PLXDC2: variants seen among roughly 807,000 people sequenced by gnomAD.
PLXDC2 encodes plexin domain containing 2.
A neutral mutation model predicts 68.9 loss-of-function variants in PLXDC2; 40 were observed. That is an observed-to-expected ratio of 0.58 (90% CI 0.45 to 0.76). The LOEUF (loss-of-function observed/expected upper bound fraction) is 0.76. PLXDC2 is among the 30% of genes least tolerant of loss of function. PLXDC2 has a pLI of 0.00. For missense variants in PLXDC2, 644 were observed against 661.9 expected (o/e 0.97, Z 0.30); for synonymous variants, 243 against 234.2 (o/e 1.04, Z -0.34).
intron 2 of PLXDC2, among the ~76,000 whole-genome samples, chr10:20,036,073 T>C (rs937031300): frequency 6.6e-6 from 1 of 152,206 alleles, no homozygotes; most frequent in Non-Finnish European, 1.5e-5. Flanking sequence ...GAAAGTAATA[T>C]ATCTGGCATC....
At chr10:19,854,294 AC>A (rs1837174499) in intron 1 of PLXDC2, among the ~76,000 whole-genome samples, 1 of 152,106 alleles carries the variant, frequency 6.6e-6, no homozygotes, top group Admixed American at 6.5e-5. Context: ...AAAAGAAAAC[AC>A]CCATTTGTCT....
intron 4 of PLXDC2, among the ~76,000 whole-genome samples, chr10:20,139,784 C>G (rs1035258700): frequency 7.3e-6 from 1 of 136,606 alleles, no homozygotes; most frequent in East Asian, 2.2e-4. Flanking sequence ...TGTTCTCATT[C>G]ATAAGTGGGA....
chr10:19,883,911 T>TTTTTTTTTTTTTTTTTTTGG (rs1837788503), intron 1 of PLXDC2, among the ~76,000 whole-genome samples: 1 of 136,798 alleles, frequency 7.3e-6, no homozygotes, highest in Non-Finnish European at 1.6e-5. Flanking sequence ...TTTTTTTTTT[T>TTTTTTTTTTTTTTTTTTTGG]AGCAGACAGG....
intron 1 of PLXDC2, among the ~76,000 whole-genome samples, chr10:19,978,129 G>A (rs1486368579): frequency 1.3e-5 from 2 of 152,024 alleles, no homozygotes; most frequent in African/African-American, 4.8e-5. Flanking sequence ...TATCTCTTCT[G>A]TTCTTTTCCA....
chr10:20,252,196 C>G (rs3088167), intron 13 of PLXDC2, among the ~76,000 whole-genome samples: 3,292 of 152,186 alleles, frequency 0.022, 55 homozygotes, highest in Middle Eastern at 0.068. Flanking sequence ...AGAGTATAGA[C>G]CTGTGCTGTC....
chr10:19,820,563 A>G (rs1334177491), intron 1 of PLXDC2, among the ~76,000 whole-genome samples: 43 of 151,142 alleles, frequency 2.8e-4, no homozygotes, highest in Non-Finnish European at 4.0e-4. Context: ...GAACCCGGGA[A>G]GCGGAGCTTG....
At chr10:20,139,917 T>A (rs1833979459) in intron 4 of PLXDC2, among the ~76,000 whole-genome samples, 1 of 152,050 alleles carries the variant, frequency 6.6e-6, no homozygotes, top group South Asian at 2.1e-4. Flanking sequence ...GACGCATTGA[T>A]GGGTGCAGCA....
intron 13 of PLXDC2, among the ~76,000 whole-genome samples, chr10:20,253,593 T>C (rs1410132227): frequency 6.6e-6 from 1 of 152,084 alleles, no homozygotes; most frequent in Non-Finnish European, 1.5e-5. Flanking sequence ...CTTTGTATTT[T>C]CTATCAGCAA....
chr10:20,266,621 C>T (rs16920183), intron 13 of PLXDC2, among the ~76,000 whole-genome samples: 37,517 of 151,648 alleles, frequency 0.25, 4,771 homozygotes, highest in African/African-American at 0.3. Context: ...AGTAAATAAC[C>T]GGAGATTAGG....
chr10:20,225,094 C>G (rs1435947741), intron 12 of PLXDC2, among the ~76,000 whole-genome samples: 1 of 152,156 alleles, frequency 6.6e-6, no homozygotes, highest in Non-Finnish European at 1.5e-5. Context: ...AACAGATATA[C>G]TTTGAATGAA....
At chr10:20,174,294 A>G (rs1207064493) in intron 7 of PLXDC2, among the ~76,000 whole-genome samples, 1 of 144,888 alleles carries the variant, frequency 6.9e-6, no homozygotes, top group African/African-American at 2.5e-5. Flanking sequence ...CCATCTTTTT[A>G]TTTGTCTTAA....
intron 6 of PLXDC2, among the ~76,000 whole-genome samples, chr10:20,148,500 A>G (rs16919952): frequency 0.62 from 94,962 of 151,946 alleles, 30,140 homozygotes; most frequent in Middle Eastern, 0.71. Context: ...CAAACTGACA[A>G]AGTAAAGAAT....
intron 1 of PLXDC2, among the ~76,000 whole-genome samples, chr10:19,974,890 G>A (rs977257228): frequency 7.2e-5 from 11 of 152,158 alleles, no homozygotes; most frequent in African/African-American, 2.7e-4. Context: ...AAGGCAGCTT[G>A]TTGAAGGACC....
intron 2 of PLXDC2, among the ~76,000 whole-genome samples, chr10:20,037,403 A>T (rs936230257): frequency 1.3e-5 from 2 of 151,452 alleles, no homozygotes; most frequent in South Asian, 4.2e-4. Context: ...GTACATGTGC[A>T]CAACGTGCAG....
intron 9 of PLXDC2, among the ~76,000 whole-genome samples, chr10:20,181,679 T>C (rs1834606750): frequency 6.6e-6 from 1 of 152,048 alleles, no homozygotes; most frequent in Admixed American, 6.6e-5. Flanking sequence ...GCCTAGTGCA[T>C]TGGGAGAATT....
chr10:19,868,479 A>G (rs564316398), intron 1 of PLXDC2, among the ~76,000 whole-genome samples: 2 of 152,164 alleles, frequency 1.3e-5, no homozygotes, highest in Non-Finnish European at 2.9e-5. Context: ...ATAGCAACCA[A>G]TGTCTTGCAA....
intron 6 of PLXDC2, among the ~76,000 whole-genome samples, chr10:20,149,229 C>CTTTTTTTTTTTT (rs71200986): frequency 4.9e-4 from 17 of 34,938 alleles, no homozygotes; most frequent in Admixed American, 1.1e-3. Context: ...TTTTTCTTTT[C>CTTTTTTTTTTTT]TTTTTTTTTT....
chr10:19,968,605 A>T (rs1307243618), intron 1 of PLXDC2, among the ~76,000 whole-genome samples: 2 of 151,940 alleles, frequency 1.3e-5, no homozygotes, highest in Non-Finnish European at 2.9e-5. Flanking sequence ...GAGCCACCGC[A>T]CCCGGCCCAT....
chr10:20,257,184 G>A (rs1221799918), intron 13 of PLXDC2, among the ~76,000 whole-genome samples: 1 of 152,148 alleles, frequency 6.6e-6, no homozygotes, highest in Middle Eastern at 3.2e-3. Flanking sequence ...CCTGAGTGAT[G>A]AGCTCTTCAT....
Sources: allele counts gnomAD v4.1 joint callset (sites outside exome capture counted in the v4.1 genomes callset), GRCh38; gene constraint gnomAD v4.1.1; transcripts MANE v1.5; gene names NCBI Gene and HGNC (gene_info 2026-07-23, HGNC 2026-07-21).